STK3: variants seen among roughly 807,000 people sequenced by gnomAD.
The protein encoded by STK3 is serine/threonine-protein kinase 3.
In STK3, 41 loss-of-function variants were observed where a neutral mutation model predicts 58.0. The ratio of observed to expected loss-of-function variants is 0.71; its 90% CI spans 0.55 to 0.92. The LOEUF is 0.92. Ranked by LOEUF, STK3 falls within the 40% of genes least tolerant of loss-of-function variation. The pLI is 0.00. For missense variants in STK3, 479 were observed against 602.7 expected, an observed-to-expected ratio of 0.79 and a Z score of 2.15; for synonymous variants, 170 against 191.0, an observed-to-expected ratio of 0.89 and a Z score of 0.91.
chr8:98,772,647 G>A (rs1046746472), intron 2 of STK3, among the ~76,000 whole-genome samples: 3 of 152,078 alleles, frequency 2.0e-5, no homozygotes, highest in East Asian at 1.9e-4. Context: ...AGTGAGCCAC[G>A]ATCACGCCAT....
chr8:98,590,193 G>C (rs1354959222), intron 7 of STK3, among the ~76,000 whole-genome samples: 1 of 151,836 alleles, frequency 6.6e-6, no homozygotes, highest in East Asian at 1.9e-4. Flanking sequence ...AAAATAACCA[G>C]CATTGATTTG....
At chr8:98,645,569 A>G (rs749626133) in intron 6 of STK3, among the ~76,000 whole-genome samples, 2 of 152,176 alleles carry the variant, frequency 1.3e-5, no homozygotes, top group Non-Finnish European at 2.9e-5. Context: ...GAAAATCAAA[A>G]TGAAATTTTC....
the STK3 span, among the ~76,000 whole-genome samples, chr8:98,347,488 C>G: frequency 6.6e-6 from 1 of 151,390 alleles, no homozygotes; most frequent in Non-Finnish European, 1.5e-5. Flanking sequence ...GCACTCCCGC[C>G]TGGGCCACAG....
chr8:98,858,323 T>TAGAG (rs1554691273), intron 3 of STK3, among the ~76,000 whole-genome samples: 333 of 16,244 alleles, frequency 0.02, 25 homozygotes, highest in East Asian at 0.034. Flanking sequence ...TATATATATA[T>TAGAG]AGAGAGAGAG....
At chr8:98,906,630 T>C (rs1838913182) in intron 1 of STK3, 1 of 152,256 alleles carries the variant, frequency 6.6e-6, no homozygotes, top group Admixed American at 6.5e-5. Flanking sequence ...TAGTTTAAAA[T>C]GCATATACAA....
intron 4 of STK3, among the ~76,000 whole-genome samples, chr8:98,741,839 A>C (rs922700507): frequency 3.3e-5 from 5 of 152,232 alleles, no homozygotes; most frequent in African/African-American, 1.2e-4. Flanking sequence ...ACTGCTAGCA[A>C]GACTAATGAA....
chr8:98,452,846 C>T (rs573109847), downstream of STK3, among the ~76,000 whole-genome samples: 303 of 151,164 alleles, frequency 2.0e-3, 2 homozygotes, highest in African/African-American at 7.0e-3. Flanking sequence ...CTGCAACCTC[C>T]GCCTTCCAGG....
intron 6 of STK3, among the ~76,000 whole-genome samples, chr8:98,629,426 T>C (rs192068667): frequency 4.6e-5 from 7 of 152,276 alleles, no homozygotes; most frequent in Non-Finnish European, 5.9e-5. Context: ...CTCACAAACA[T>C]TGGTTCATAT....
chr8:98,939,724 C>T (rs1438809007), intron 1 of STK3, among the ~76,000 whole-genome samples: 2 of 152,214 alleles, frequency 1.3e-5, no homozygotes, highest in Non-Finnish European at 2.9e-5. Context: ...AATATGAAAG[C>T]CTAATAAAAA....
At chr8:98,542,908 A>T (rs1810406660) in intron 9 of STK3, among the ~76,000 whole-genome samples, 1 of 152,226 alleles carries the variant, frequency 6.6e-6, no homozygotes, top group South Asian at 2.1e-4. Context: ...GCTCTTCACT[A>T]TACCACATCA....
chr8:98,669,815 T>C (rs1822684073), intron 6 of STK3, among the ~76,000 whole-genome samples: 1 of 152,222 alleles, frequency 6.6e-6, no homozygotes, highest in South Asian at 2.1e-4. Flanking sequence ...CCCTGTTCTA[T>C]GTATGGCCTA....
intron 3 of STK3, among the ~76,000 whole-genome samples, chr8:98,866,173 T>G (rs1385488067): frequency 1.3e-5 from 2 of 152,170 alleles, no homozygotes; most frequent in East Asian, 3.8e-4. Flanking sequence ...GTTGAGAGAG[T>G]GTGTCTAGTT....
chr8:98,874,035 C>T (rs1309791382), intron 3 of STK3, among the ~76,000 whole-genome samples: 1 of 152,132 alleles, frequency 6.6e-6, no homozygotes, highest in African/African-American at 2.4e-5. Context: ...TAAGGCAGGC[C>T]TGGTGGTGAC....
chr8:98,448,240 G>A (rs899475928), intron 1 of STK3, among the ~76,000 whole-genome samples: 5 of 152,142 alleles, frequency 3.3e-5, no homozygotes, highest in East Asian at 1.9e-4. Context: ...ATTTATGGTC[G>A]TCAGCTGGTG....
chr8:98,632,567 A>G (rs1000343245), intron 6 of STK3, among the ~76,000 whole-genome samples: 4 of 152,318 alleles, frequency 2.6e-5, no homozygotes, highest in African/African-American at 9.6e-5. Context: ...ACGCAGAGGA[A>G]AATTTTTAAC....
At chr8:98,708,913 G>A (rs1826172202) in intron 4 of STK3, among the ~76,000 whole-genome samples, 1 of 151,756 alleles carries the variant, frequency 6.6e-6, no homozygotes, top group South Asian at 2.1e-4. Context: ...GTGACTCTTG[G>A]TGGGAGCCTA....
At position 98,612,323 on chromosome 8, in the gene STK3, G is replaced by A. The variant is rs574875865; in HGVS notation, c.685-16154C>T. 5.5e-3 allele frequency among the ~76,000 whole-genome samples: 832 copies of A among 150,530 alleles called. 9 individuals carry two copies. Among genetic ancestry groups the A allele is most frequent in the African/African-American group, 0.019 (801 of 41,264 alleles). ...TATAATCCCAGCCACTTGGGAAGCCGAGTGGGGAGGACTGCTTGAAACCAG... is the reference window on the plus strand; with the variant it reads ...TATAATCCCAGCCACTTGGGAAGCCAAGTGGGGAGGACTGCTTGAAACCAG... On this transcript the variant is annotated intron_variant, in intron 6 of 10. Coordinates refer to ENST00000419617, the MANE Select transcript of STK3 (RefSeq NM_006281.4).
chr8:98,890,233 G>C (rs1838144964), intron 1 of STK3, among the ~76,000 whole-genome samples: 1 of 152,206 alleles, frequency 6.6e-6, no homozygotes, highest in Admixed American at 6.5e-5. Context: ...AAGGAACAAG[G>C]ACGCCAACAT....
chr8:98,663,365 G>A (rs936002857), intron 6 of STK3, among the ~76,000 whole-genome samples: 3 of 152,142 alleles, frequency 2.0e-5, no homozygotes, highest in Non-Finnish European at 2.9e-5. Context: ...AAAAAGTCAG[G>A]AAACAACAGG....
Sources: gnomAD v4.1 joint callset for allele counts (sites outside exome capture counted in the v4.1 genomes callset) on GRCh38, gnomAD v4.1.1 for gene constraint, MANE v1.5 for transcripts, NCBI Gene and HGNC (gene_info 2026-07-23, HGNC 2026-07-21) for gene names.